The following SERINC5 variants were observed in gnomAD, a reference collection of about 807,000 sequenced individuals.
SERINC5 encodes the protein chromosome 5 open reading frame 12.
In SERINC5, 41 loss-of-function variants were observed where a neutral mutation model predicts 63.1. That is an observed-to-expected ratio of 0.65 (90% confidence interval 0.51 to 0.84). SERINC5 has a LOEUF of 0.84. Among genes scored for constraint, SERINC5 ranks in the 40% least tolerant of loss-of-function variants. The pLI is 0.00. For missense variants in SERINC5, 523 were observed against 573.0 expected (o/e 0.91, Z 0.89); for synonymous variants, 222 against 215.2 (o/e 1.03, Z -0.28).
At chr5:80,244,875 C>G (rs2112600312) in intron 1 of SERINC5, among the ~76,000 whole-genome samples, 1 of 152,264 alleles carries the variant, frequency 6.6e-6, no homozygotes, top group South Asian at 2.1e-4. Flanking sequence ...GCCGCCCAAG[C>G]TGGAGTGTCG....
intron 2 of SERINC5, chr5:80,198,617 C>T (rs1021810437): frequency 2.4e-5 from 24 of 985,294 alleles, no homozygotes; most frequent in Admixed American, 1.2e-4. Flanking sequence ...GGCACTTCCA[C>T]GGCCAACAAA....
Position 80,141,949 on chromosome 5 carries a change from G to A in SERINC5, c.*1714C>T. On this transcript the variant is annotated 3_prime_UTR_variant, in exon 12 of 12. Coordinates refer to ENST00000507668, the MANE Select transcript of SERINC5 (RefSeq NM_001174072.3). ...AATTTGTTTCCCCATGGGTTTTCTT[G>A]GGAGAAGGGCAAAGGAATGAATAGA... is the stretch of plus-strand genomic sequence containing the variant. 1.0e-6 allele frequency: 1 copy of A among 985,318 alleles called. No homozygotes were observed. The highest frequency in any genetic ancestry group is 1.2e-6 in the Non-Finnish European group (1 of 829,876). 61.0% of individuals were successfully genotyped at this position (985,318 alleles called of 1,614,324 possible). A position where few individuals can be genotyped will look rare whatever the true frequency, so the allele number is the denominator to read the frequency against.
intron 1 of SERINC5, among the ~76,000 whole-genome samples, chr5:80,204,995 C>T (rs1312308857): frequency 3.3e-5 from 5 of 152,178 alleles, no homozygotes; most frequent in Non-Finnish European, 5.9e-5. Flanking sequence ...CGGTGGGCTC[C>T]GTGGGAACTT....
At position 80,139,374 on chromosome 5, in the gene SERINC5, A is replaced by G; in HGVS notation, c.*4289T>C. 4.1e-6 allele frequency: 4 copies of G among 985,314 alleles called. No individual in the cohort carries two copies. In the South Asian group the frequency reaches 1.4e-4, roughly 35 times the overall value. 61.0% of individuals were successfully genotyped at this position (985,314 alleles called of 1,614,324 possible). A position where few individuals can be genotyped will look rare whatever the true frequency, so the allele number is the denominator to read the frequency against. ...AGAACTTCCCAGGATCCTTTATCCC[A>G]AAGGATTACCTTAAAGAGTTCTTCC... On this transcript the variant is annotated 3_prime_UTR_variant, in exon 12 of 12. Transcript: ENST00000507668.
chr5:80,255,254 G>A (rs1186979663), intron 1 of SERINC5: 1 of 152,374 alleles, frequency 6.6e-6, no homozygotes, highest in Non-Finnish European at 1.5e-5. Context: ...TTTGCAAAGA[G>A]AGGCAGGAAG....
intron 1 of SERINC5, among the ~76,000 whole-genome samples, chr5:80,211,415 C>T (rs865904451): frequency 5.3e-5 from 8 of 152,294 alleles, no homozygotes; most frequent in South Asian, 4.1e-4. Flanking sequence ...ATGACCCTAA[C>T]CCTTGCCTCT....
intron 2 of SERINC5, among the ~76,000 whole-genome samples, chr5:80,178,348 A>T (rs1004950878): frequency 8.1e-5 from 3 of 37,182 alleles, no homozygotes; most frequent in African/African-American, 1.1e-4. Flanking sequence ...AACCGCCCCC[A>T]CCCCCACCCC....
intron 1 of SERINC5, among the ~76,000 whole-genome samples, chr5:80,212,826 A>G (rs751747260): frequency 1.4e-4 from 21 of 152,230 alleles, no homozygotes; most frequent in Non-Finnish European, 2.8e-4. Flanking sequence ...CAAACAGTGT[A>G]ACTGCAGGTA....
chr5:80,158,519 C>T lies in SERINC5; in HGVS notation c.986+317G>A, dbSNP rs975981068. On this transcript the variant is annotated intron_variant, in intron 8 of 11. Coordinates refer to ENST00000507668, the MANE Select transcript of SERINC5 (RefSeq NM_001174072.3). The stretch of plus-strand genomic sequence containing the variant: ...AGTAAAGGTATAGCAAACTACTATT[C>T]GACCATCTTTTAAAGGGGGTTAGGC... The T allele has an allele frequency of 6.1e-5, 16 of 261,568 alleles. 1 individual carries two copies. Among genetic ancestry groups the T allele is most frequent in the Admixed American group, 1.4e-4 (3 of 20,714 alleles). 16.2% of individuals were successfully genotyped at this position (261,568 alleles called of 1,614,324 possible).
intron 2 of SERINC5, among the ~76,000 whole-genome samples, chr5:80,202,077 A>C (rs1424824917): frequency 6.6e-6 from 1 of 152,062 alleles, no homozygotes; most frequent in Non-Finnish European, 1.5e-5. Context: ...GCCTCTACTA[A>C]AAATACAAAA....
chr5:80,232,969 T>C (rs1028505904), intron 1 of SERINC5, among the ~76,000 whole-genome samples: 1 of 152,026 alleles, frequency 6.6e-6, no homozygotes, highest in African/African-American at 2.4e-5. Context: ...CTGAGGGAGT[T>C]TGGGAGGGAA....
In SERINC5 at chr5:80,143,684, G is replaced by A. The variant is rs552728668; in HGVS notation, c.1365C>T (p.Pro455=). 7.7e-3 allele frequency: 11,899 copies of A among 1,536,062 alleles called. 116 individuals carry two copies. Among genetic ancestry groups the A allele is most frequent in the Non-Finnish European group, 8.1e-3 (9,264 of 1,146,858 alleles). The change falls in exon 12 of 12, where the codon CCC becomes CCT. Residue 455 remains proline, a synonymous_variant. Coordinates refer to ENST00000507668, the MANE Select transcript of SERINC5 (RefSeq NM_001174072.3). ...LCTLVAPLCC[P]TREFSV is the part of the protein sequence containing the mutation. ...ATCATCACACAGAGAACTCCCGGGT[G>A]GGGCAGCAGAGGGGAGCGACCAGCG... is the stretch of plus-strand genomic sequence containing the variant.
rs577788677 is a variant in SERINC5 at position 80,229,778 on chromosome 5, T to C, written c.27+26118A>G. On this transcript the variant is annotated intron_variant, in intron 1 of 11. Transcript: ENST00000507668. ...AGTGTTTAATGTTAGCTTGCATGCA[T>C]GCTCATTTCATTCAATACAAGGCTA... Among the ~76,000 whole-genome samples, 5 of 152,356 alleles carry C rather than the reference T, an allele frequency of 3.3e-5. No individual in the cohort carries two copies. The East Asian group carries it at 9.6e-4, about 29-fold the overall frequency.
intron 6 of SERINC5, chr5:80,166,887 A>G (rs1561386920): frequency 5.2e-6 from 1 of 192,804 alleles, no homozygotes; most frequent in Non-Finnish European, 1.1e-5. Context: ...ACCAGATTTC[A>G]TAGGGGATGT....
At chr5:80,129,635 G>A (rs1744866120) in intron 11 of SERINC5, among the ~76,000 whole-genome samples, 1 of 152,110 alleles carries the variant, frequency 6.6e-6, no homozygotes, top group South Asian at 2.1e-4. Context: ...TTTTTTACAA[G>A]GCATTCAGAA....
chr5:80,227,045 C>A (rs575093528), intron 1 of SERINC5, among the ~76,000 whole-genome samples: 11 of 152,030 alleles, frequency 7.2e-5, no homozygotes, highest in African/African-American at 2.7e-4. Flanking sequence ...ATAGGTGCCC[C>A]CCACCACGCC....
intron 2 of SERINC5, among the ~76,000 whole-genome samples, chr5:80,197,242 G>A (rs1263889642): frequency 4.0e-5 from 6 of 151,596 alleles, no homozygotes; most frequent in East Asian, 2.0e-4. Flanking sequence ...CCAGCTACTC[G>A]GGAGGCTGAA....
intron 1 of SERINC5, among the ~76,000 whole-genome samples, chr5:80,247,408 TTTTA>T (rs1337818730): frequency 6.6e-6 from 1 of 152,180 alleles, no homozygotes; most frequent in African/African-American, 2.4e-5. Context: ...GGGTGTTACC[TTTTA>T]TTTAATTAGC....
intron 8 of SERINC5, among the ~76,000 whole-genome samples, chr5:80,155,262 G>A (rs751505323): frequency 2.0e-5 from 3 of 152,176 alleles, no homozygotes; most frequent in Admixed American, 6.5e-5. Flanking sequence ...GGAGGGATGC[G>A]CCTATAGAAA....
Sources: allele counts gnomAD v4.1 joint callset (sites outside exome capture counted in the v4.1 genomes callset), GRCh38; gene constraint gnomAD v4.1.1; transcripts MANE v1.5; gene names NCBI Gene and HGNC (gene_info 2026-07-23, HGNC 2026-07-21).